RBFOX1: variants seen among roughly 807,000 people sequenced by gnomAD.
RBFOX1 encodes the protein RNA binding protein fox-1 homolog 1.
A neutral mutation model predicts 57.7 loss-of-function variants in RBFOX1; 8 were observed. The ratio of observed to expected loss-of-function variants is 0.14; its 90% CI spans 0.08 to 0.25. The LOEUF is 0.25. RBFOX1 is among the 10% of genes least tolerant of loss of function. The probability of loss-of-function intolerance (pLI) is 1.00; values close to 1 mark genes in which losing one functional copy is unlikely to be tolerated. For synonymous variants in RBFOX1, 326 were observed against 222.4 expected (o/e 1.47, Z -4.15); for missense variants, 611 against 548.5 (o/e 1.11, Z -1.14).
chr16:7,044,699 G>A (rs567522528), intron 3 of RBFOX1, among the ~76,000 whole-genome samples: 1 of 146,974 alleles, frequency 6.8e-6, no homozygotes, highest in African/African-American at 2.6e-5. Context: ...ACTGCCATGG[G>A]AGAAAAAAAA....
At chr16:6,221,871 T>G (rs2097375694) in intron 1 of RBFOX1, among the ~76,000 whole-genome samples, 1 of 152,206 alleles carries the variant, frequency 6.6e-6, no homozygotes, top group Non-Finnish European at 1.5e-5. Context: ...TTTTGTACCA[T>G]CCTTGACCCA....
At chr16:5,476,584 G>T (rs1293117920) in intron 2 of RBFOX1, among the ~76,000 whole-genome samples, 3 of 152,158 alleles carry the variant, frequency 2.0e-5, no homozygotes, top group South Asian at 2.1e-4. Context: ...CATCTTACCG[G>T]GTCATTGTGG....
intron 3 of RBFOX1, among the ~76,000 whole-genome samples, chr16:6,863,336 G>A (rs996130300): frequency 9.2e-5 from 14 of 152,068 alleles, no homozygotes; most frequent in Non-Finnish European, 1.5e-4. Context: ...GAGACAAAAC[G>A]TGGCTCACCA....
At chr16:7,478,460 G>T (rs1004403499) in intron 4 of RBFOX1, among the ~76,000 whole-genome samples, 1 of 152,178 alleles carries the variant, frequency 6.6e-6, no homozygotes, top group African/African-American at 2.4e-5. Context: ...AAGAGAAAGT[G>T]CTTTAGTGTT....
chr16:6,907,361 G>C (rs1430570159), intron 3 of RBFOX1, among the ~76,000 whole-genome samples: 2 of 152,146 alleles, frequency 1.3e-5, no homozygotes, highest in African/African-American at 4.8e-5. Flanking sequence ...AGCTGTCCTT[G>C]AGAGAATGGC....
At chr16:5,623,974 A>T (rs1207196623) in intron 3 of RBFOX1, among the ~76,000 whole-genome samples, 1 of 152,186 alleles carries the variant, frequency 6.6e-6, no homozygotes, top group Non-Finnish European at 1.5e-5. Context: ...ATCATCCCCC[A>T]AAGAAATCCC....
chr16:7,708,886 G>C (rs914003040), intron 14 of RBFOX1, among the ~76,000 whole-genome samples, 170 bp from the exon 15 acceptor site: 1 of 152,124 alleles, frequency 6.6e-6, no homozygotes, highest in Admixed American at 6.6e-5. Flanking sequence ...CACAAAAAAT[G>C]TATCATGTAC....
intron 3 of RBFOX1, among the ~76,000 whole-genome samples, chr16:6,780,846 G>C (rs1303970224): frequency 6.6e-6 from 1 of 151,830 alleles, no homozygotes; most frequent in African/African-American, 2.4e-5. Context: ...TATTTGGGTT[G>C]GGGTTTTGTA....
At chr16:5,292,310 C>T (rs1366138028) in intron 1 of RBFOX1, among the ~76,000 whole-genome samples, 1 of 152,196 alleles carries the variant, frequency 6.6e-6, no homozygotes, top group Non-Finnish European at 1.5e-5. Context: ...CAGCCAAACC[C>T]ATTTTGTGCA....
chr16:5,431,847 T>C (rs963241364), intron 1 of RBFOX1, among the ~76,000 whole-genome samples: 1 of 152,112 alleles, frequency 6.6e-6, no homozygotes, highest in Non-Finnish European at 1.5e-5. Context: ...ACATCCAAAA[T>C]CGTCCCTACA....
intron 3 of RBFOX1, among the ~76,000 whole-genome samples, chr16:5,834,807 TAGATAGATAGATAGAC>T (rs1032129645): frequency 2.0e-5 from 3 of 150,194 alleles, no homozygotes; most frequent in African/African-American, 7.5e-5. Flanking sequence ...GATAGATAGA[TAGATAGATAGATAGAC>T]AGACAGACAG....
intron 1 of RBFOX1, among the ~76,000 whole-genome samples, chr16:6,288,481 TCA>T (rs573204115): frequency 1.6e-4 from 25 of 152,288 alleles, no homozygotes; most frequent in African/African-American, 5.5e-4. Flanking sequence ...GGTCCATGCA[TCA>T]TACATACTAT....
intron 1 of RBFOX1, among the ~76,000 whole-genome samples, chr16:6,102,435 T>A (rs1037043445): frequency 6.6e-6 from 1 of 152,188 alleles, no homozygotes; most frequent in Non-Finnish European, 1.5e-5. Context: ...TACAACGGTG[T>A]CATTTGCAAC....
intron 3 of RBFOX1, among the ~76,000 whole-genome samples, chr16:6,756,626 A>G (rs1290147899): frequency 2.0e-5 from 3 of 152,168 alleles, no homozygotes; most frequent in East Asian, 1.9e-4. Flanking sequence ...AATAATAATA[A>G]TAATAATCCC....
intron 3 of RBFOX1, among the ~76,000 whole-genome samples, chr16:7,013,405 G>T (rs2093746277): frequency 6.6e-6 from 1 of 152,192 alleles, no homozygotes; most frequent in South Asian, 2.1e-4. Flanking sequence ...GAGAACATGT[G>T]ACAATGTCTG....
At chr16:7,694,073 A>G (rs377059945) in intron 14 of RBFOX1, among the ~76,000 whole-genome samples, 10 of 152,308 alleles carry the variant, frequency 6.6e-5, no homozygotes, top group South Asian at 4.1e-4. Flanking sequence ...TTTGATTAGT[A>G]TGGAGTTAAT....
intron 2 of RBFOX1, among the ~76,000 whole-genome samples, chr16:6,642,933 C>A (rs998665277): frequency 6.6e-6 from 1 of 152,144 alleles, no homozygotes; most frequent in Non-Finnish European, 1.5e-5. Flanking sequence ...AGTTTACATG[C>A]GTTGTTTGCT....
chr16:6,594,318 C>T (rs969035573), intron 2 of RBFOX1, among the ~76,000 whole-genome samples: 3 of 152,018 alleles, frequency 2.0e-5, no homozygotes, highest in Admixed American at 1.3e-4. Flanking sequence ...CCTGGGAGGC[C>T]GACAAGATCC....
intron 3 of RBFOX1, among the ~76,000 whole-genome samples, chr16:5,778,890 A>G (rs1028181821): frequency 3.9e-5 from 6 of 152,170 alleles, no homozygotes; most frequent in African/African-American, 2.4e-5. Flanking sequence ...TGATTCCTGT[A>G]AAAGTAAAAC....
Sources: gnomAD v4.1 joint callset for allele counts (sites outside exome capture counted in the v4.1 genomes callset) on GRCh38, gnomAD v4.1.1 for gene constraint, MANE v1.5 for transcripts, NCBI Gene and HGNC (gene_info 2026-07-23, HGNC 2026-07-21) for gene names.